The following EYS variants were observed in gnomAD, a reference collection of about 807,000 sequenced individuals.
EYS encodes EGF-like photoreceptor maintenance factor, also known as protein eyes shut homolog.
In EYS, 250 loss-of-function variants were observed where a neutral mutation model predicts 282.1. The ratio of observed to expected loss-of-function variants is 0.89; its 90% CI spans 0.80 to 0.98. The LOEUF is 0.98. Ranked by LOEUF, EYS falls within the 50% of genes least tolerant of loss-of-function variation. The probability of loss-of-function intolerance (pLI) is 0.00; values close to 1 mark genes in which losing one functional copy is unlikely to be tolerated. For synonymous variants in EYS, 1,355 were observed against 1,282.9 expected (o/e 1.06, Z -1.20); for missense variants, 4,016 against 3,709.0 (o/e 1.08, Z -2.15).
At chr6:64,276,116 T>A (rs577919057) in intron 30 of EYS, among the ~76,000 whole-genome samples, 87 of 152,322 alleles carry the variant, frequency 5.7e-4, no homozygotes, top group African/African-American at 1.9e-3. Context: ...CTGAATATTT[T>A]AAGGTTTGGT....
intron 37 of EYS, among the ~76,000 whole-genome samples, chr6:63,793,715 T>C (rs1035364923): frequency 1.3e-5 from 2 of 152,212 alleles, no homozygotes; most frequent in Non-Finnish European, 2.9e-5. Flanking sequence ...TTTAACGGCA[T>C]TTCTCCCTGC....
intron 22 of EYS, among the ~76,000 whole-genome samples, chr6:64,781,028 A>G (rs896621180): frequency 1.3e-5 from 2 of 152,182 alleles, no homozygotes; most frequent in African/African-American, 2.4e-5. Flanking sequence ...CATCGATTCT[A>G]TTGATTCTAG....
chr6:65,014,936 G>A (rs993706612), intron 13 of EYS, among the ~76,000 whole-genome samples: 8 of 152,116 alleles, frequency 5.3e-5, no homozygotes, highest in African/African-American at 1.9e-4. Context: ...GGTCTTCCAA[G>A]GGCCTTTATA....
intron 12 of EYS, among the ~76,000 whole-genome samples, chr6:65,126,933 G>T (rs1262457817): frequency 6.6e-6 from 1 of 152,074 alleles, no homozygotes; most frequent in Non-Finnish European, 1.5e-5. Flanking sequence ...GGCTCTTTTG[G>T]ATTGTGGTAA....
At chr6:64,466,257 C>T (rs1015553139) in intron 26 of EYS, among the ~76,000 whole-genome samples, 1 of 151,998 alleles carries the variant, frequency 6.6e-6, no homozygotes, top group African/African-American at 2.4e-5. Flanking sequence ...GGGTATACAT[C>T]CAAAGGTAAT....
intron 13 of EYS, among the ~76,000 whole-genome samples, chr6:65,034,499 G>A (rs904793054): frequency 2.0e-5 from 3 of 151,986 alleles, no homozygotes; most frequent in African/African-American, 7.2e-5. Flanking sequence ...GGCTTGTTTT[G>A]TCTTTACTAT....
chr6:64,879,921 G>C (rs910422175), intron 19 of EYS, among the ~76,000 whole-genome samples: 1 of 151,988 alleles, frequency 6.6e-6, no homozygotes, highest in Non-Finnish European at 1.5e-5. Flanking sequence ...GTAAATATCA[G>C]AAGTATTAAG....
At chr6:64,279,711 A>G (rs1248909882) in intron 30 of EYS, among the ~76,000 whole-genome samples, 2 of 152,184 alleles carry the variant, frequency 1.3e-5, no homozygotes, top group African/African-American at 4.8e-5. Context: ...CCTGTAGTAT[A>G]TTCAAATTAC....
intron 36 of EYS, among the ~76,000 whole-genome samples, chr6:63,829,374 C>T (rs554984992): frequency 9.8e-5 from 15 of 152,296 alleles, no homozygotes; most frequent in African/African-American, 3.6e-4. Context: ...TAATACTGTG[C>T]TTCTCCAATG....
chr6:64,896,194 G>A (rs578084112), intron 18 of EYS, among the ~76,000 whole-genome samples: 14 of 152,202 alleles, frequency 9.2e-5, no homozygotes, highest in Admixed American at 3.3e-4. Flanking sequence ...AGAGACGAAC[G>A]CAGAAGGCAG....
At chr6:64,888,499 A>G (rs1481885135) in intron 18 of EYS, among the ~76,000 whole-genome samples, 1 of 151,994 alleles carries the variant, frequency 6.6e-6, no homozygotes, top group Non-Finnish European at 1.5e-5. Flanking sequence ...AAAAAGAAAG[A>G]GTAAGGAATC....
At chr6:64,993,288 G>A (rs911664823) in intron 14 of EYS, among the ~76,000 whole-genome samples, 6 of 151,794 alleles carry the variant, frequency 4.0e-5, no homozygotes, top group South Asian at 2.1e-4. Context: ...ATAAACATAC[G>A]TGTGCATGTG....
At chr6:63,976,899 A>G (rs1425063896) in intron 35 of EYS, among the ~76,000 whole-genome samples, 1 of 151,978 alleles carries the variant, frequency 6.6e-6, no homozygotes, top group African/African-American at 2.4e-5. Context: ...GAAAAATTAT[A>G]CATAAAAGTG....
intron 1 of EYS, among the ~76,000 whole-genome samples, chr6:65,676,393 C>T (rs1309239923): frequency 6.6e-6 from 1 of 151,560 alleles, no homozygotes; most frequent in Admixed American, 6.6e-5. Flanking sequence ...ACAACTGATG[C>T]CACAGAAATT....
intron 36 of EYS, among the ~76,000 whole-genome samples, chr6:63,827,589 A>G (rs1045351705): frequency 6.6e-6 from 1 of 152,206 alleles, no homozygotes; most frequent in Non-Finnish European, 1.5e-5. Flanking sequence ...TCACGCCTGT[A>G]ATCCTAGCAC....
At chr6:64,102,104 C>T (rs923014020) in intron 31 of EYS, among the ~76,000 whole-genome samples, 2 of 152,186 alleles carry the variant, frequency 1.3e-5, no homozygotes, top group African/African-American at 4.8e-5. Context: ...ACACTCCACA[C>T]TGATACCATG....
chr6:64,765,974 G>A (rs1773318101), intron 22 of EYS, among the ~76,000 whole-genome samples: 1 of 151,928 alleles, frequency 6.6e-6, no homozygotes, highest in Admixed American at 6.6e-5. Context: ...TTGAGCTATT[G>A]GCACTATTTT....
intron 1 of EYS, among the ~76,000 whole-genome samples, chr6:65,689,552 T>C (rs1401157891): frequency 3.3e-5 from 5 of 149,984 alleles, no homozygotes; most frequent in African/African-American, 1.2e-4. Flanking sequence ...AAAATTAAGA[T>C]AAATTGAAAA....
At chr6:64,254,104 G>C (rs373746289) in intron 30 of EYS, among the ~76,000 whole-genome samples, 1 of 152,004 alleles carries the variant, frequency 6.6e-6, no homozygotes, top group African/African-American at 2.4e-5. Context: ...TCTGCTCTAG[G>C]GAGGCCTTAA....
Sources: gnomAD v4.1 joint callset for allele counts (sites outside exome capture counted in the v4.1 genomes callset) on GRCh38, gnomAD v4.1.1 for gene constraint, MANE v1.5 for transcripts, NCBI Gene and HGNC (gene_info 2026-07-23, HGNC 2026-07-21) for gene names.